The following CCDC178 variants were observed in gnomAD, a reference collection of about 807,000 sequenced individuals.
CCDC178 encodes the protein coiled-coil domain containing 178.
Under a neutral mutation model 117.4 loss-of-function variants are expected in CCDC178, and 126 were observed. That is an observed-to-expected ratio of 1.07 (90% confidence interval 0.93 to 1.24). CCDC178 has a LOEUF of 1.24. CCDC178 is among the 50% of genes most tolerant of loss of function. The pLI is 0.00. For missense variants in CCDC178, 1,030 were observed against 986.9 expected (o/e 1.04, Z -0.59); for synonymous variants, 283 against 313.4 (o/e 0.90, Z 1.02).
At chr18:33,276,190 C>T (rs1030891967) in intron 12 of CCDC178, among the ~76,000 whole-genome samples, 3 of 151,890 alleles carry the variant, frequency 2.0e-5, no homozygotes, top group African/African-American at 4.8e-5. Flanking sequence ...ATTCTTTGGC[C>T]TAGAAATTCA....
intron 22 of CCDC178, among the ~76,000 whole-genome samples, chr18:32,940,301 G>A (rs903625931): frequency 1.3e-5 from 2 of 151,846 alleles, no homozygotes; most frequent in Non-Finnish European, 2.9e-5. Flanking sequence ...TCAGCATATA[G>A]TCATATATTA....
intron 20 of CCDC178, among the ~76,000 whole-genome samples, chr18:33,177,600 C>A: frequency 6.6e-6 from 1 of 152,048 alleles, no homozygotes; most frequent in East Asian, 1.9e-4. Flanking sequence ...CAAGTGCCCC[C>A]ACCTTAAAAA....
rs562877288 is a variant in CCDC178, at chr18:32,946,365, T to C, written c.2524-8274A>G. Among the ~76,000 whole-genome samples, 3 of 152,324 alleles carry C rather than the reference T, an allele frequency of 2.0e-5. No individual in the cohort carries two copies. The East Asian group carries it at 5.8e-4, about 29-fold the overall frequency. ...CCACTTTTCTTCAAACTCTCTTCAT[T>C]CTGATTGCTTTGAAATGAGTATTAA... On this transcript the variant is annotated intron_variant, in intron 22 of 22. Coordinates refer to ENST00000383096, the MANE Select transcript of CCDC178 (RefSeq NM_001105528.4).
At chr18:33,203,231 C>T (rs2059013026) in intron 20 of CCDC178, among the ~76,000 whole-genome samples, 1 of 152,012 alleles carries the variant, frequency 6.6e-6, no homozygotes, top group South Asian at 2.1e-4. Flanking sequence ...TTTTGTATTG[C>T]TTTTTCATTT....
At chr18:33,066,737 G>T (rs1344431248) in intron 21 of CCDC178, among the ~76,000 whole-genome samples, 1 of 152,136 alleles carries the variant, frequency 6.6e-6, no homozygotes, top group East Asian at 1.9e-4. Context: ...TTAAGTAAAA[G>T]ACTGTAGAAA....
intron 20 of CCDC178, among the ~76,000 whole-genome samples, chr18:33,134,088 C>G (rs1247126343): frequency 6.6e-6 from 1 of 151,782 alleles, no homozygotes; most frequent in Non-Finnish European, 1.5e-5. Flanking sequence ...GTACAAAATG[C>G]TAGAAACTCA....
At chr18:33,377,629 G>T (rs1415833052) in intron 5 of CCDC178, among the ~76,000 whole-genome samples, 1 of 152,102 alleles carries the variant, frequency 6.6e-6, no homozygotes, top group East Asian at 1.9e-4. Flanking sequence ...TTTGTATACG[G>T]TGAAAGGGAG....
chr18:33,002,254 C>T (rs1349180362), intron 21 of CCDC178, among the ~76,000 whole-genome samples: 1 of 151,912 alleles, frequency 6.6e-6, no homozygotes, highest in African/African-American at 2.4e-5. Flanking sequence ...ATGGATCATT[C>T]TCAAGAATAA....
chr18:33,311,878 C>A (rs1443462852), intron 11 of CCDC178, among the ~76,000 whole-genome samples: 2 of 152,280 alleles, frequency 1.3e-5, no homozygotes, highest in Admixed American at 1.3e-4. Context: ...CAGACTTACC[C>A]ACCAAAATTG....
intron 20 of CCDC178, among the ~76,000 whole-genome samples, chr18:33,170,076 G>A (rs1415142953): frequency 6.6e-6 from 1 of 152,034 alleles, no homozygotes; most frequent in Non-Finnish European, 1.5e-5. Context: ...GTGTGTGTGT[G>A]TGTATGTGTT....
intron 20 of CCDC178, among the ~76,000 whole-genome samples, chr18:33,126,620 C>T (rs73419420): frequency 0.012 from 1,804 of 151,674 alleles, 37 homozygotes; most frequent in African/African-American, 0.042. Flanking sequence ...CTCCTGTATG[C>T]GTGGTTTTCA....
chr18:33,339,829 C>G (rs2144654447), intron 9 of CCDC178, among the ~76,000 whole-genome samples: 1 of 152,206 alleles, frequency 6.6e-6, no homozygotes, highest in South Asian at 2.1e-4. Context: ...ATTCTGAGCC[C>G]TCCCCAGCCA....
At chr18:33,222,203 TCTTC>T (rs1159808665) in intron 18 of CCDC178, among the ~76,000 whole-genome samples, 1 of 151,706 alleles carries the variant, frequency 6.6e-6, no homozygotes, top group Non-Finnish European at 1.5e-5. Context: ...AATTTTGACT[TCTTC>T]CTTCCTTCCT....
At chr18:32,944,348 T>C (rs558613402) in intron 22 of CCDC178, among the ~76,000 whole-genome samples, 1 of 152,222 alleles carries the variant, frequency 6.6e-6, no homozygotes, top group East Asian at 1.9e-4. Flanking sequence ...TGTTCAGAAC[T>C]CAGAGCATGG....
At chr18:33,025,961 C>T (rs1050079443) in intron 21 of CCDC178, among the ~76,000 whole-genome samples, 1 of 151,996 alleles carries the variant, frequency 6.6e-6, no homozygotes, top group Non-Finnish European at 1.5e-5. Flanking sequence ...AAATTGAAGA[C>T]ACTCCAGATA....
At chr18:33,287,533 C>T (rs2060113809) in intron 12 of CCDC178, among the ~76,000 whole-genome samples, 1 of 152,068 alleles carries the variant, frequency 6.6e-6, no homozygotes, top group African/African-American at 2.4e-5. Context: ...AATCCCAGCA[C>T]TTTGGGAGGT....
At chr18:33,353,596 A>G (rs2063009193) in intron 7 of CCDC178, among the ~76,000 whole-genome samples, 1 of 152,072 alleles carries the variant, frequency 6.6e-6, no homozygotes. Flanking sequence ...ATTACAATTA[A>G]TATCTTAACT....
intron 21 of CCDC178, among the ~76,000 whole-genome samples, chr18:33,074,426 C>T (rs1022469888): frequency 6.6e-6 from 1 of 152,084 alleles, no homozygotes; most frequent in African/African-American, 2.4e-5. Context: ...CCAAAAATTG[C>T]ACAGTATCAA....
intron 12 of CCDC178, among the ~76,000 whole-genome samples, chr18:33,276,469 G>A (rs2059951129): frequency 6.6e-6 from 1 of 152,060 alleles, no homozygotes; most frequent in Admixed American, 6.6e-5. Context: ...ACTAAGCACT[G>A]AGGTTCTCAA....
Sources: allele counts gnomAD v4.1 joint callset (sites outside exome capture counted in the v4.1 genomes callset), GRCh38; gene constraint gnomAD v4.1.1; transcripts MANE v1.5; gene names NCBI Gene and HGNC (gene_info 2026-07-23, HGNC 2026-07-21).